Variants in AGAP6 observed in about 807,000 individuals in gnomAD.
The protein encoded by AGAP6 is ArfGAP with GTPase domain, ankyrin repeat and PH domain 6.
A neutral mutation model predicts 63.9 loss-of-function variants in AGAP6; 29 were observed. That is an observed-to-expected ratio of 0.45 (90% confidence interval 0.34 to 0.62). The LOEUF (loss-of-function observed/expected upper bound fraction) is 0.62. AGAP6 is among the 20% of genes least tolerant of loss of function. The probability of loss-of-function intolerance (pLI) is 0.01; values close to 1 mark genes in which losing one functional copy is unlikely to be tolerated. For synonymous variants in AGAP6, 199 were observed against 332.9 expected, an observed-to-expected ratio of 0.60 and a Z score of 4.38; for missense variants, 493 against 884.9, an observed-to-expected ratio of 0.56 and a Z score of 5.62.
chr10:50,005,537 G>T (rs1354888535), intron 6 of AGAP6, among the ~76,000 whole-genome samples: 11 of 152,154 alleles, frequency 7.2e-5, no homozygotes, highest in Admixed American at 7.2e-4. Flanking sequence ...CTTGAACTTG[G>T]GAGGCGGAGG....
At chr10:49,997,168 G>C (rs1841522524) in intron 4 of AGAP6, among the ~76,000 whole-genome samples, 1 of 149,924 alleles carries the variant, frequency 6.7e-6, no homozygotes, top group African/African-American at 2.5e-5. Flanking sequence ...CTAAGGCCTT[G>C]TTTAATATTT....
chr10:50,006,348 A>G (rs1841913991), intron 6 of AGAP6, among the ~76,000 whole-genome samples: 1 of 152,146 alleles, frequency 6.6e-6, no homozygotes, highest in South Asian at 2.1e-4. Context: ...TTGGGAACAA[A>G]TACGTATTTC....
At chr10:49,989,658 G>A (rs1337734363) in intron 2 of AGAP6, among the ~76,000 whole-genome samples, 15 of 152,094 alleles carry the variant, frequency 9.9e-5, no homozygotes, top group South Asian at 6.2e-4. Flanking sequence ...CACGGGAGAG[G>A]CTATATGGTA....
At chr10:50,005,790 C>G (rs1841893706) in intron 6 of AGAP6, among the ~76,000 whole-genome samples, 1 of 149,296 alleles carries the variant, frequency 6.7e-6, no homozygotes, top group South Asian at 2.1e-4. Context: ...CGTGGTGGTG[C>G]ATGCCTGTAG....
At chr10:49,995,589 C>T (rs1554861773) in intron 4 of AGAP6, among the ~76,000 whole-genome samples, 1 of 152,112 alleles carries the variant, frequency 6.6e-6, no homozygotes, top group South Asian at 2.1e-4. Context: ...TTCAATATAG[C>T]GTGGGTTTCC....
intron 2 of AGAP6, among the ~76,000 whole-genome samples, chr10:49,990,989 A>G (rs1179596750): frequency 6.6e-6 from 1 of 152,092 alleles, no homozygotes; most frequent in Non-Finnish European, 1.5e-5. Context: ...CACACCAGTT[A>G]GTAGATGGGT....
intron 4 of AGAP6, 33 bp from the exon 5 acceptor site, chr10:50,001,963 A>G (rs1280389371): frequency 8.7e-6 from 14 of 1,609,030 alleles, no homozygotes; most frequent in South Asian, 1.1e-5. Flanking sequence ...ATACACTTTG[A>G]TAAGTTTGAC....
chr10:49,991,384 GTT>G (rs781847792), intron 2 of AGAP6, among the ~76,000 whole-genome samples: 2 of 114,038 alleles, frequency 1.8e-5, no homozygotes, highest in African/African-American at 3.3e-5. Flanking sequence ...TACCTCTTCT[GTT>G]TTTTTTTTTT....
rs1842035815 is a variant in AGAP6, at chr10:50,009,620, T to C, written c.1495T>C (p.Cys499Arg). 6.2e-7 allele frequency: 1 copy of C among 1,614,066 alleles called. No homozygotes were observed. The highest frequency in any genetic ancestry group is 1.3e-5 in the African/African-American group (1 of 74,936). ...WASLNLGVLM[C>R]IECSGIHRSL... The stretch of plus-strand genomic sequence containing the variant: ...CAGTTTGAACTTGGGAGTCCTCATG[T>C]GTATTGAATGCTCAGGTATCCACCG... Residue 499 changes from cysteine to arginine, a missense_variant, in exon 8 of 8, where the codon TGT (cysteine) becomes CGT (arginine). Coordinates refer to ENST00000412531, the MANE Select transcript of AGAP6 (RefSeq NM_001077665.3).
intron 4 of AGAP6, among the ~76,000 whole-genome samples, chr10:49,996,917 C>T (rs1321150276): frequency 2.7e-5 from 4 of 149,184 alleles, no homozygotes; most frequent in African/African-American, 9.9e-5. Context: ...CTTTTTATGT[C>T]TCAGCATTTA....
At chr10:50,001,971 G>A in intron 4 of AGAP6, 25 bp from the exon 5 acceptor site, 1 of 1,610,562 alleles carries the variant, frequency 6.2e-7, no homozygotes. Context: ...TGATAAGTTT[G>A]ACTTACAGTT....
intron 3 of AGAP6, among the ~76,000 whole-genome samples, chr10:49,993,417 A>C (rs1423706035): frequency 2.0e-5 from 3 of 152,128 alleles, no homozygotes; most frequent in Non-Finnish European, 4.4e-5. Context: ...GCATGGCCCA[A>C]GTCCCTCTTG....
chr10:49,989,069 G>A, intron 1 of AGAP6, 131 bp downstream of exon 1: 1 of 1,563,592 alleles, frequency 6.4e-7, no homozygotes, highest in Non-Finnish European at 8.6e-7. Flanking sequence ...GGCTGGCCAG[G>A]AACAAAAGCT....
At chr10:50,008,334 T>C (rs1351958108) in intron 7 of AGAP6, among the ~76,000 whole-genome samples, 1 of 150,156 alleles carries the variant, frequency 6.7e-6, no homozygotes, top group African/African-American at 2.5e-5. Flanking sequence ...ACTCTCTTTC[T>C]GTAGCCCAGG....
intron 6 of AGAP6, among the ~76,000 whole-genome samples, chr10:50,006,675 G>A (rs1419332566): frequency 2.6e-5 from 4 of 151,866 alleles, no homozygotes; most frequent in Non-Finnish European, 4.4e-5. Context: ...GAGCCACTGC[G>A]CTGGCCCAGT....
Position 50,009,288 on chromosome 10 carries a change from A to G in AGAP6, c.1163A>G (p.Lys388Arg), listed in dbSNP as rs782416513. The G allele has an allele frequency of 5.6e-6, 9 of 1,614,090 alleles. No homozygotes were observed. The highest frequency in any genetic ancestry group is 1.3e-5 in the African/African-American group (1 of 74,934). Residue 388 changes from lysine to arginine, a missense_variant, in exon 8 of 8, where the codon AAG becomes AGG. Physicochemically the swap from Lys to Arg is conservative, Grantham distance 26 (BLOSUM62 2). Transcript: ENST00000412531. ...AGTATCTCCAGCACCACCAGCCCCA[A>G]GCTCAACCCGCCCCCCTCTCCTCAT... is the stretch of plus-strand genomic sequence containing the variant. ...SPSISSTTSP[K>R]LNPPPSPHAN...
chr10:49,991,682 A>C lies in AGAP6; in HGVS notation c.299A>C (p.Glu100Ala), dbSNP rs1841286526. The C allele has an allele frequency of 1.3e-6, 2 of 1,598,218 alleles. No homozygotes were observed. Among genetic ancestry groups the C allele is most frequent in the Non-Finnish European group, 1.7e-6 (2 of 1,179,662 alleles). Residue 100 changes from glutamate (E) to alanine (A), a missense_variant, in exon 3 of 8, where the codon GAG (glutamate) becomes GCG (alanine). Glu to Ala is a moderately radical substitution (Grantham distance 107). Transcript: ENST00000412531. ...TCTTCCTCTGTGCATATAGCTTTGGAGTTTAACCCTTCTGCCAATCCAGAG... is the reference window on the plus strand; with the variant it reads ...TCTTCCTCTGTGCATATAGCTTTGGCGTTTAACCCTTCTGCCAATCCAGAG... Reference protein sequence around the residue: ...FQRNSQTEALEFNPSANPEAS... With the variant: ...FQRNSQTEALAFNPSANPEAS...
At chr10:49,991,257 A>T (rs1841262244) in intron 2 of AGAP6, among the ~76,000 whole-genome samples, 2 of 152,048 alleles carry the variant, frequency 1.3e-5, no homozygotes, top group Admixed American at 6.6e-5. Context: ...TAAAAATTTT[A>T]AAAACTCTAG....
chr10:49,998,610 G>A lies in AGAP6; in HGVS notation c.397-3386G>A, dbSNP rs566020114. On this transcript the variant is annotated intron_variant, in intron 4 of 7. Transcript: ENST00000412531. ...TATATCAGTACCATGCTATTTTGGC[G>A]ACTATGGCCTTATAGTATAGTTTGA... Among the ~76,000 whole-genome samples the A allele has an allele frequency of 3.0e-5, 4 of 135,448 alleles. 1 individual carries two copies. Among genetic ancestry groups the A allele is most frequent in the African/African-American group, 1.1e-4 (4 of 35,146 alleles). The allele number at this position is 135,448 out of a possible 152,430, so 88.9% of individuals were successfully genotyped here.
Sources: allele counts gnomAD v4.1 joint callset (sites outside exome capture counted in the v4.1 genomes callset), GRCh38; gene constraint gnomAD v4.1.1; transcripts MANE v1.5; gene names NCBI Gene and HGNC (gene_info 2026-07-23, HGNC 2026-07-21).